The following CCSER1 variants were observed in gnomAD, a reference collection of about 807,000 sequenced individuals.
The protein encoded by CCSER1 is coiled-coil serine rich protein 1.
CCSER1 carries 41 observed loss-of-function variants against 82.0 expected under a neutral mutation model. The ratio of observed to expected loss-of-function variants is 0.50; its 90% CI spans 0.39 to 0.65. The LOEUF is 0.65. Among genes scored for constraint, CCSER1 ranks in the 30% least tolerant of loss-of-function variants. The pLI is 0.00. For missense variants in CCSER1, 1,119 were observed against 1,064.2 expected (o/e 1.05, Z -0.72); for synonymous variants, 414 against 383.9 (o/e 1.08, Z -0.92).
At chr4:91,255,546 G>T (rs774763653) in intron 10 of CCSER1, among the ~76,000 whole-genome samples, 1 of 152,166 alleles carries the variant, frequency 6.6e-6, no homozygotes, top group Non-Finnish European at 1.5e-5. Context: ...ATAAATTCAG[G>T]ATTCTGATTT....
intron 3 of CCSER1, among the ~76,000 whole-genome samples, chr4:90,362,245 T>C (rs1745504809): frequency 6.6e-6 from 1 of 152,200 alleles, no homozygotes; most frequent in Admixed American, 6.5e-5. Flanking sequence ...TCATGCATGG[T>C]AAAATCTCAC....
At chr4:90,988,602 C>A (rs76952846) in intron 9 of CCSER1, among the ~76,000 whole-genome samples, 3,227 of 151,564 alleles carry the variant, frequency 0.021, 99 homozygotes, top group African/African-American at 0.07. Context: ...ATTTATGTGT[C>A]TGTGTTATGG....
chr4:91,562,756 A>G (rs182414176), intron 10 of CCSER1, among the ~76,000 whole-genome samples: 1 of 151,766 alleles, frequency 6.6e-6, no homozygotes, highest in Admixed American at 6.6e-5. Context: ...GAAATGGCAA[A>G]TACTTCTCAT....
intron 3 of CCSER1, among the ~76,000 whole-genome samples, chr4:90,379,605 G>A (rs979992655): frequency 3.9e-5 from 6 of 152,102 alleles, no homozygotes; most frequent in Non-Finnish European, 5.9e-5. Flanking sequence ...CATTATCCCA[G>A]TAGAGTGAGG....
At chr4:90,335,529 A>G (rs1402859829) in intron 3 of CCSER1, among the ~76,000 whole-genome samples, 1 of 152,176 alleles carries the variant, frequency 6.6e-6, no homozygotes, top group African/African-American at 2.4e-5. Flanking sequence ...ATGACATTTC[A>G]TCTATAATTT....
chr4:90,426,988 T>C (rs1240648579), intron 4 of CCSER1, among the ~76,000 whole-genome samples: 1 of 150,134 alleles, frequency 6.7e-6, no homozygotes, highest in Admixed American at 6.6e-5. Context: ...AAGAAAATGA[T>C]ATATCTGCAG....
chr4:91,058,288 C>A (rs28461191), intron 9 of CCSER1, among the ~76,000 whole-genome samples: 42,681 of 151,810 alleles, frequency 0.28, 6,223 homozygotes, highest in Non-Finnish European at 0.3. Context: ...GTATTACATA[C>A]ACCATGGAAT....
intron 1 of CCSER1, among the ~76,000 whole-genome samples, chr4:90,217,484 C>T (rs186304142): frequency 6.6e-6 from 1 of 152,296 alleles, no homozygotes; most frequent in East Asian, 1.9e-4. Flanking sequence ...AGGCATGAGC[C>T]ACCATGCCCA....
intron 10 of CCSER1, among the ~76,000 whole-genome samples, chr4:91,404,432 T>C (rs189997975): frequency 7.9e-5 from 12 of 152,318 alleles, no homozygotes; most frequent in Middle Eastern, 6.8e-3. Flanking sequence ...TCTTGCCTTC[T>C]GCTAGCTTTT....
intron 10 of CCSER1, among the ~76,000 whole-genome samples, chr4:91,403,141 T>C (rs1309833384): frequency 6.6e-6 from 1 of 152,182 alleles, no homozygotes; most frequent in Non-Finnish European, 1.5e-5. Context: ...ATAGGTATTT[T>C]ATTCTCTTTG....
intron 5 of CCSER1, among the ~76,000 whole-genome samples, chr4:90,588,729 G>A (rs1381262155): frequency 6.6e-6 from 1 of 152,126 alleles, no homozygotes; most frequent in Non-Finnish European, 1.5e-5. Flanking sequence ...TGTTCTCATA[G>A]TAGTGAATAA....
chr4:90,426,603 A>T (rs1757559905), intron 4 of CCSER1, among the ~76,000 whole-genome samples: 1 of 152,170 alleles, frequency 6.6e-6, no homozygotes, highest in African/African-American at 2.4e-5. Context: ...ATTTCTTAGG[A>T]ATCATGTATA....
At chr4:90,471,819 A>G (rs1764448491) in intron 5 of CCSER1, among the ~76,000 whole-genome samples, 1 of 152,060 alleles carries the variant, frequency 6.6e-6, no homozygotes, top group Admixed American at 6.5e-5. Context: ...TACTAAAAAT[A>G]CAAAAAAATT....
chr4:90,388,299 A>ATGTT (rs144840089), intron 3 of CCSER1, among the ~76,000 whole-genome samples: 2,551 of 150,374 alleles, frequency 0.017, 33 homozygotes, highest in African/African-American at 0.036. Context: ...AGTACAAGTG[A>ATGTT]TGTTTGTTTG....
At chr4:91,147,431 G>A (rs914426433) in intron 10 of CCSER1, among the ~76,000 whole-genome samples, 28 of 152,306 alleles carry the variant, frequency 1.8e-4, no homozygotes, top group African/African-American at 5.3e-4. Context: ...GTAAAAAGCT[G>A]TTGCTGGCTA....
intron 8 of CCSER1, among the ~76,000 whole-genome samples, chr4:90,867,827 T>G (rs971314411): frequency 6.6e-6 from 1 of 152,008 alleles, no homozygotes; most frequent in Non-Finnish European, 1.5e-5. Context: ...CTTATTTCAC[T>G]TAACATAATG....
chr4:90,986,883 G>T (rs1444545632), intron 9 of CCSER1, among the ~76,000 whole-genome samples: 1 of 151,694 alleles, frequency 6.6e-6, no homozygotes, highest in Non-Finnish European at 1.5e-5. Flanking sequence ...GGTAGATTTA[G>T]TCAACTTGCT....
intron 10 of CCSER1, among the ~76,000 whole-genome samples, chr4:91,520,446 C>T (rs999910906): frequency 5.3e-5 from 8 of 152,000 alleles, no homozygotes; most frequent in Admixed American, 2.0e-4. Flanking sequence ...CCTTAGTGGT[C>T]TTTGTTGTCA....
At chr4:91,257,507 T>A (rs1740789463) in intron 10 of CCSER1, among the ~76,000 whole-genome samples, 2 of 139,376 alleles carry the variant, frequency 1.4e-5, no homozygotes, top group African/African-American at 5.3e-5. Context: ...ACACACCCAT[T>A]TCTGTATATC....
Sources: gnomAD v4.1 joint callset for allele counts (sites outside exome capture counted in the v4.1 genomes callset) on GRCh38, gnomAD v4.1.1 for gene constraint, MANE v1.5 for transcripts, NCBI Gene and HGNC (gene_info 2026-07-23, HGNC 2026-07-21) for gene names.